The following VWA5A variants were observed in gnomAD, a reference collection of about 807,000 sequenced individuals.
The protein encoded by VWA5A is von Willebrand factor A domain containing 5A, also known as von Willebrand factor A domain-containing protein 5A.
Under a neutral mutation model 84.6 loss-of-function variants are expected in VWA5A, and 77 were observed. The ratio of observed to expected loss-of-function variants is 0.91; its 90% confidence interval spans 0.76 to 1.10. The LOEUF is 1.10. VWA5A is among the 50% of genes least tolerant of loss of function. VWA5A has a pLI of 0.00. For missense variants in VWA5A, 973 were observed against 963.0 expected, an observed-to-expected ratio of 1.01 and a Z score of -0.14; for synonymous variants, 334 against 350.1, an observed-to-expected ratio of 0.95 and a Z score of 0.51.
At chr11:124,125,473 T>C (rs1174645392) in intron 11 of VWA5A, among the ~76,000 whole-genome samples, 3 of 152,080 alleles carry the variant, frequency 2.0e-5, no homozygotes, top group Non-Finnish European at 4.4e-5. Context: ...TTAGTAGAGA[T>C]GGGGTTTCAC....
chr11:124,140,662 T>A (rs182189013), intron 15 of VWA5A, among the ~76,000 whole-genome samples: 1 of 151,818 alleles, frequency 6.6e-6, no homozygotes, highest in Non-Finnish European at 1.5e-5. Flanking sequence ...AGAAATGAGG[T>A]CTCACTACAT....
chr11:124,145,208 C>A, intron 17 of VWA5A, 29 bp from the exon 18 acceptor site: 1 of 1,586,478 alleles, frequency 6.3e-7, no homozygotes, highest in South Asian at 1.2e-5. Context: ...ACTTCCTGTG[C>A]CAACTGGAGC....
intron 7 of VWA5A, 148 bp from the exon 8 acceptor site, chr11:124,122,812 A>G (rs536809358): frequency 1.4e-6 from 1 of 733,988 alleles, no homozygotes; most frequent in Non-Finnish European, 2.2e-6. Flanking sequence ...CCTTGACCCC[A>G]TTGCAAGCAG....
Position 124,146,857 on chromosome 11 carries a change from C to T in VWA5A, c.*912C>T, listed in dbSNP as rs1378718578. ...AATGACCCTATTTGATATGCTGTCCCTTAAAATAACTTGTATCAATATTAA... is the reference window on the plus strand; with the variant it reads ...AATGACCCTATTTGATATGCTGTCCTTTAAAATAACTTGTATCAATATTAA... On this transcript the variant is annotated 3_prime_UTR_variant, in exon 19 of 19. Coordinates refer to ENST00000456829, the MANE Select transcript of VWA5A (RefSeq NM_001130142.2). The T allele has an allele frequency of 7.5e-5, 12 of 159,224 alleles. No individual in the cohort carries two copies. Among genetic ancestry groups the T allele is most frequent in the Non-Finnish European group, 7.3e-5 (5 of 68,076 alleles). 9.9% of individuals were successfully genotyped at this position (159,224 alleles called of 1,614,324 possible). A position where few individuals can be genotyped will look rare whatever the true frequency, so the allele number is the denominator to read the frequency against.
rs780260344 is a variant in VWA5A at position 124,123,419 on chromosome 11, C to G, written c.984C>G (p.Ile328Met). 5 of 1,614,048 alleles carry G rather than the reference C, an allele frequency of 3.1e-6. No individual in the cohort carries two copies. The Admixed American group carries it at 5.0e-5, about 16-fold the overall frequency. ...KSLPIGCYFN[I>M]YGFGSSYEAC... ...TACCTATAGGCTGTTATTTCAACAT[C>G]TATGGATTTGGCTCTTCCTATGAGG... The change falls in exon 9 of 19, where the codon ATC becomes ATG. Residue 328 changes from isoleucine to methionine, a missense_variant. Physicochemically the swap from Ile to Met is conservative, Grantham distance 10. Coordinates refer to ENST00000456829, the MANE Select transcript of VWA5A (RefSeq NM_001130142.2).
chr11:124,136,572 A>G lies in VWA5A; in HGVS notation c.1525-2A>G, dbSNP rs989574789. 1.2e-6 allele frequency: 2 copies of G among 1,613,696 alleles called. No homozygotes were observed. The highest frequency in any genetic ancestry group is 1.7e-6 in the Non-Finnish European group (2 of 1,179,592). ...TCATTTCTACTCATCTCTAATTTGC[A>G]GGCAGCAGAGACAACAGGAGAAGTA... On this transcript the variant is annotated splice_acceptor_variant, in intron 13 of 18. Transcript: ENST00000456829. LOFTEE classifies it high-confidence loss of function.
At chr11:124,130,430 G>A (rs532108205) in intron 11 of VWA5A, among the ~76,000 whole-genome samples, 20 of 152,250 alleles carry the variant, frequency 1.3e-4, no homozygotes, top group Admixed American at 5.2e-4. Context: ...AGTGTGATGT[G>A]GTGCTGAGAA....
intron 11 of VWA5A, among the ~76,000 whole-genome samples, chr11:124,127,876 G>A (rs901927448): frequency 2.0e-5 from 3 of 151,986 alleles, no homozygotes; most frequent in African/African-American, 7.3e-5. Flanking sequence ...TTTTTTTCTT[G>A]TAAATTTGTA....
intron 17 of VWA5A, among the ~76,000 whole-genome samples, chr11:124,143,915 A>ATT (rs137910253): frequency 1.3e-5 from 2 of 149,424 alleles, no homozygotes; most frequent in African/African-American, 4.9e-5. Context: ...AAGGAATTTG[A>ATT]TTTTTTTTTT....
At position 124,136,584 on chromosome 11, in the gene VWA5A, C is replaced by A. The variant is rs777191356; in HGVS notation, c.1535C>A (p.Thr512Lys). 2 of 1,614,134 alleles carry A rather than the reference C, an allele frequency of 1.2e-6. No individual in the cohort carries two copies. Among genetic ancestry groups the A allele is most frequent in the Non-Finnish European group, 1.7e-6 (2 of 1,179,970 alleles). Residue 512 changes from threonine to lysine, a missense_variant, in exon 14 of 19, where the codon ACA becomes AAA. Physicochemically the swap from Thr to Lys is moderately conservative, Grantham distance 78 (BLOSUM62 -1). Transcript: ENST00000456829. Reference protein sequence around the residue: ...QLTGRMPAAETTGEVCLKYTL... With the variant: ...QLTGRMPAAEKTGEVCLKYTL... ...ATCTCTAATTTGCAGGCAGCAGAGA[C>A]AACAGGAGAAGTATGCCTCAAATAT...
In VWA5A at chr11:124,146,950, A is replaced by G. The variant is rs887878479; in HGVS notation, c.*1005A>G. The G allele has an allele frequency of 4.2e-5, 7 of 166,622 alleles. No individual in the cohort carries two copies. The highest frequency in any genetic ancestry group is 1.0e-4 in the Non-Finnish European group (7 of 68,122). The allele number at this position is 166,622 out of a possible 1,614,324, so 10.3% of individuals were successfully genotyped here. A position where few individuals can be genotyped will look rare whatever the true frequency, so the allele number is the denominator to read the frequency against. On this transcript the variant is annotated 3_prime_UTR_variant, in exon 19 of 19. Coordinates refer to ENST00000456829, the MANE Select transcript of VWA5A (RefSeq NM_001130142.2). ...TAAAGTGGTCTCGTCTCCCTACCCC[A>G]CAATATTTTGGTACTGCCACTTTGG...
intron 15 of VWA5A, among the ~76,000 whole-genome samples, chr11:124,139,798 C>T (rs1860691047): frequency 6.6e-6 from 1 of 151,658 alleles, no homozygotes; most frequent in African/African-American, 2.4e-5. Flanking sequence ...ATTTATTTCT[C>T]TTGCCTAATT....
chr11:124,129,716 GT>G (rs1329116880), intron 11 of VWA5A, among the ~76,000 whole-genome samples: 1 of 151,966 alleles, frequency 6.6e-6, no homozygotes, highest in Non-Finnish European at 1.5e-5. Flanking sequence ...GGGGTGGGGG[GT>G]GTATGTGTCC....
At chr11:124,126,740 C>G (rs1431879630) in intron 11 of VWA5A, among the ~76,000 whole-genome samples, 1 of 151,562 alleles carries the variant, frequency 6.6e-6, no homozygotes, top group Non-Finnish European at 1.5e-5. Flanking sequence ...GCCTGGGTGA[C>G]AGAGCAAGAA....
intron 15 of VWA5A, among the ~76,000 whole-genome samples, chr11:124,140,135 C>A (rs1306683703): frequency 1.3e-5 from 2 of 152,154 alleles, no homozygotes; most frequent in Non-Finnish European, 2.9e-5. Context: ...TTGGATGAAT[C>A]ACATTTGATA....
In VWA5A at chr11:124,118,337, A is replaced by G. The variant is rs767325372; in HGVS notation, c.395A>G (p.Glu132Gly). 3.7e-6 allele frequency: 6 copies of G among 1,614,122 alleles called. No homozygotes were observed. Among genetic ancestry groups the G allele is most frequent in the East Asian group, 2.2e-5 (1 of 44,900 alleles). Residue 132 changes from glutamate (E) to glycine (G), a missense_variant, in exon 5 of 19, where the codon GAG becomes GGG. Physicochemically the swap from Glu to Gly is moderately conservative, Grantham distance 98. Coordinates refer to ENST00000456829, the MANE Select transcript of VWA5A (RefSeq NM_001130142.2). The stretch of plus-strand genomic sequence containing the variant: ...GCAGTCACCCTGAAGTATGTGCAGG[A>G]GCTGCCTCTGGAAGCAGATGGGGCT... The part of the protein sequence containing the change: ...KAAVTLKYVQ[E>G]LPLEADGALR...
intron 14 of VWA5A, among the ~76,000 whole-genome samples, 153 bp downstream of exon 14, chr11:124,136,827 T>A (rs577624218): frequency 6.8e-6 from 1 of 147,910 alleles, no homozygotes; most frequent in South Asian, 2.3e-4. Flanking sequence ...AGATTTCTTC[T>A]CTTAATTCTG....
In VWA5A at chr11:124,137,404, G is replaced by C. The variant is rs1240189105; in HGVS notation, c.1879+136G>C. The stretch of plus-strand genomic sequence containing the variant: ...TTATACCTCCACATCTAGGATTTCT[G>C]GTTAGTGTTAAATTTTTCTGTCCCA... On this transcript the variant is annotated intron_variant, in intron 15 of 18. Transcript: ENST00000456829. 4.1e-6 allele frequency: 5 copies of C among 1,228,820 alleles called. No homozygotes were observed. The Admixed American group carries it at 1.2e-4, about 29-fold the overall frequency. The allele number at this position is 1,228,820 out of a possible 1,614,324, so 76.1% of individuals were successfully genotyped here.
intron 11 of VWA5A, among the ~76,000 whole-genome samples, chr11:124,131,726 T>C (rs1349896891): frequency 6.6e-6 from 1 of 151,908 alleles, no homozygotes; most frequent in Non-Finnish European, 1.5e-5. Flanking sequence ...TTAGATATTC[T>C]ATGAAGAATC....
Sources: gnomAD v4.1 joint callset for allele counts (sites outside exome capture counted in the v4.1 genomes callset) on GRCh38, gnomAD v4.1.1 for gene constraint, MANE v1.5 for transcripts, NCBI Gene and HGNC (gene_info 2026-07-23, HGNC 2026-07-21) for gene names.